Variants in ADCY2 observed in about 807,000 individuals in gnomAD.
The protein encoded by ADCY2 is adenylate cyclase type 2.
A neutral mutation model predicts 125.2 loss-of-function variants in ADCY2; 31 were observed. The ratio of observed to expected loss-of-function variants is 0.25; its 90% CI spans 0.19 to 0.33. The LOEUF is 0.33. ADCY2 is among the 10% of genes least tolerant of loss of function. The pLI, the probability that ADCY2 is intolerant of heterozygous loss-of-function variation, is 1.00. For synonymous variants in ADCY2, 512 were observed against 548.4 expected (o/e 0.93, Z 0.93); for missense variants, 904 against 1,418.2 (o/e 0.64, Z 5.82).
chr5:7,592,392 A>G (rs1008208228), intron 3 of ADCY2, among the ~76,000 whole-genome samples: 26 of 152,322 alleles, frequency 1.7e-4, no homozygotes, highest in Admixed American at 1.6e-3. Context: ...GGAATAGATT[A>G]AAATAGAATG....
At chr5:7,726,035 A>G (rs369412505) in intron 13 of ADCY2, among the ~76,000 whole-genome samples, 43 of 152,308 alleles carry the variant, frequency 2.8e-4, no homozygotes, top group Middle Eastern at 3.4e-3. Context: ...AAGAGCTATC[A>G]GAAGATAAAT....
At chr5:7,424,762 A>G (rs1348446738) in intron 2 of ADCY2, among the ~76,000 whole-genome samples, 1 of 152,230 alleles carries the variant, frequency 6.6e-6, no homozygotes, top group African/African-American at 2.4e-5. Context: ...GAATAATAAT[A>G]GCCCATGTAT....
At position 7,607,028 on chromosome 5, in the gene ADCY2, G is replaced by A. The variant is rs147417782; in HGVS notation, c.571-19139G>A. ...GGGCACCTGAGCTTGGGCCTCAGCTGTCTTTCTGTGAGCCCTTTGATCCTG... is the reference window on the plus strand; with the variant it reads ...GGGCACCTGAGCTTGGGCCTCAGCTATCTTTCTGTGAGCCCTTTGATCCTG... On this transcript the variant is annotated intron_variant, in intron 3 of 24. Coordinates refer to ENST00000338316, the MANE Select transcript of ADCY2 (RefSeq NM_020546.3). 1.6e-3 allele frequency among the ~76,000 whole-genome samples: 244 copies of A among 152,240 alleles called. 2 individuals are homozygous for A. Among genetic ancestry groups the A allele is most frequent in the African/African-American group, 5.6e-3 (231 of 41,540 alleles).
rs560076895 is a variant in ADCY2, at chr5:7,741,316, G to A, written c.1872-2352G>A. On this transcript the variant is annotated intron_variant, in intron 14 of 24. Coordinates refer to ENST00000338316, the MANE Select transcript of ADCY2 (RefSeq NM_020546.3). ...TTAATAGAGGTATAACTTTAGGGAAGTTATAGAAGTATAACTTGGGCAAGT... is the reference window on the plus strand; with the variant it reads ...TTAATAGAGGTATAACTTTAGGGAAATTATAGAAGTATAACTTGGGCAAGT... Among the ~76,000 whole-genome samples, 13 of 152,178 alleles carry A rather than the reference G, an allele frequency of 8.5e-5. No individual in the cohort carries two copies. The South Asian group carries it at 2.7e-3, about 32-fold the overall frequency.
At chr5:7,678,280 G>A (rs1402045393) in intron 4 of ADCY2, among the ~76,000 whole-genome samples, 2 of 152,128 alleles carry the variant, frequency 1.3e-5, no homozygotes, top group Non-Finnish European at 2.9e-5. Context: ...GTCATGGCGT[G>A]TAGCTGGAGT....
chr5:7,501,656 C>A lies in ADCY2; in HGVS notation c.409-19082C>A, dbSNP rs955250654. ...AATGAGATTCCCCCCTCCCCCCCCC[C>A]CCGCCAGTAACTTCAAGTTATGTTA... On this transcript the variant is annotated intron_variant, in intron 2 of 24. Coordinates refer to ENST00000338316, the MANE Select transcript of ADCY2 (RefSeq NM_020546.3). 1.0e-4 allele frequency among the ~76,000 whole-genome samples: 11 copies of A among 110,330 alleles called. 3 individuals are homozygous for A. Among genetic ancestry groups the A allele is most frequent in the Non-Finnish European group, 1.4e-4 (7 of 50,098 alleles). The allele number at this position is 110,330 out of a possible 152,430, so 72.4% of individuals were successfully genotyped here.
At chr5:7,552,037 T>C (rs1296821439) in intron 3 of ADCY2, among the ~76,000 whole-genome samples, 1 of 152,218 alleles carries the variant, frequency 6.6e-6, no homozygotes, top group African/African-American at 2.4e-5. Flanking sequence ...TTGTGCCATT[T>C]AATTAAAATT....
At chr5:7,556,674 G>A (rs372241241) in intron 3 of ADCY2, among the ~76,000 whole-genome samples, 1 of 152,192 alleles carries the variant, frequency 6.6e-6, no homozygotes, top group Non-Finnish European at 1.5e-5. Context: ...TGGGGCGCAC[G>A]GCATCAGGTG....
chr5:7,607,352 C>T (rs10079315), intron 3 of ADCY2, among the ~76,000 whole-genome samples: 5,269 of 152,296 alleles, frequency 0.035, 305 homozygotes, highest in African/African-American at 0.12. Flanking sequence ...GAAGAATTCA[C>T]GTTTAGTCAT....
At chr5:7,659,259 A>T (rs1450022869) in intron 4 of ADCY2, among the ~76,000 whole-genome samples, 1 of 152,252 alleles carries the variant, frequency 6.6e-6, no homozygotes, top group African/African-American at 2.4e-5. Flanking sequence ...TTCCAGTTAA[A>T]TAATGTGTAA....
At chr5:7,632,678 A>G (rs1261527882) in intron 4 of ADCY2, among the ~76,000 whole-genome samples, 1 of 152,214 alleles carries the variant, frequency 6.6e-6, no homozygotes, top group Admixed American at 6.5e-5. Context: ...AAATATTTTC[A>G]CAGTTTGCAC....
chr5:7,590,455 G>A (rs945916982), intron 3 of ADCY2, among the ~76,000 whole-genome samples: 1 of 151,986 alleles, frequency 6.6e-6, no homozygotes, highest in African/African-American at 2.4e-5. Flanking sequence ...TTATAATCAT[G>A]TAAGTCATTC....
intron 2 of ADCY2, among the ~76,000 whole-genome samples, chr5:7,494,525 C>T (rs1743278556): frequency 6.6e-6 from 1 of 152,154 alleles, no homozygotes; most frequent in Non-Finnish European, 1.5e-5. Context: ...CTGGGTACTT[C>T]TTACATGTGC....
At chr5:7,551,442 A>G (rs1403468452) in intron 3 of ADCY2, among the ~76,000 whole-genome samples, 1 of 152,214 alleles carries the variant, frequency 6.6e-6, no homozygotes, top group African/African-American at 2.4e-5. Context: ...GGAAGCGTCA[A>G]GATCAGTGTT....
chr5:7,448,569 A>G (rs563512674), intron 2 of ADCY2, among the ~76,000 whole-genome samples: 5 of 152,056 alleles, frequency 3.3e-5, no homozygotes, highest in Admixed American at 6.5e-5. Flanking sequence ...TTTGCTGCAC[A>G]GATCTTCCCA....
At chr5:7,719,091 G>C (rs1227854518) in intron 12 of ADCY2, among the ~76,000 whole-genome samples, 1 of 152,198 alleles carries the variant, frequency 6.6e-6, no homozygotes, top group Non-Finnish European at 1.5e-5. Flanking sequence ...ATTTTTGTAT[G>C]CACCTTTTGG....
At chr5:7,637,039 T>A (rs1220216918) in intron 4 of ADCY2, among the ~76,000 whole-genome samples, 1 of 152,252 alleles carries the variant, frequency 6.6e-6, no homozygotes, top group Non-Finnish European at 1.5e-5. Context: ...TAATAATGCA[T>A]CTTTGGTAAT....
chr5:7,429,204 G>C (rs72709146), intron 2 of ADCY2, among the ~76,000 whole-genome samples: 1 of 152,176 alleles, frequency 6.6e-6, no homozygotes, highest in Admixed American at 6.5e-5. Context: ...GTGAGAAGGG[G>C]ACATTGCCTA....
Position 7,789,734 on chromosome 5 carries a change from G to A in ADCY2, c.2562G>A (p.Val854=), listed in dbSNP as rs1013477472. 8.7e-6 allele frequency: 14 copies of A among 1,613,578 alleles called. No individual in the cohort carries two copies. The highest frequency in any genetic ancestry group is 1.3e-5 in the African/African-American group (1 of 74,792). The change falls in exon 20 of 25, where the codon GTG becomes GTA. Residue 854 remains valine (V), a synonymous_variant. Transcript: ENST00000338316. The part of the protein sequence containing the change: ...EIETMENLNR[V]LLENVLPAHV... ...AGACCATGGAGAACCTGAACCGCGT[G>A]CTGCTGGAGAACGTGCTTCCCGCGC...
Sources: allele counts gnomAD v4.1 joint callset (sites outside exome capture counted in the v4.1 genomes callset), GRCh38; gene constraint gnomAD v4.1.1; transcripts MANE v1.5; gene names NCBI Gene and HGNC (gene_info 2026-07-23, HGNC 2026-07-21).